KCTD18: variants seen among roughly 807,000 people sequenced by gnomAD.
The protein encoded by KCTD18 is potassium channel tetramerization domain containing 18.
In KCTD18, 22 loss-of-function variants were observed where a neutral mutation model predicts 30.4. That is an observed-to-expected ratio of 0.72 (90% confidence interval 0.52 to 1.03). KCTD18 has a LOEUF of 1.03. KCTD18 is among the 50% of genes least tolerant of loss of function. The probability of loss-of-function intolerance (pLI) is 0.00; values close to 1 mark genes in which losing one functional copy is unlikely to be tolerated. For missense variants in KCTD18, 529 were observed against 547.6 expected (o/e 0.97, Z 0.34); for synonymous variants, 186 against 209.0 (o/e 0.89, Z 0.95).
chr2:200,492,150 A>C (rs1307385710), intron 6 of KCTD18, among the ~76,000 whole-genome samples: 1 of 151,700 alleles, frequency 6.6e-6, no homozygotes, highest in East Asian at 2.0e-4. Flanking sequence ...CTTCCACCAG[A>C]CTCCACACTG....
intron 4 of KCTD18, among the ~76,000 whole-genome samples, chr2:200,498,288 A>G (rs1011345291): frequency 2.6e-5 from 4 of 152,268 alleles, no homozygotes; most frequent in African/African-American, 9.6e-5. Context: ...GCAAGCTTAT[A>G]TGATCCTTCA....
At chr2:200,498,224 A>T (rs2088027587) in intron 4 of KCTD18, among the ~76,000 whole-genome samples, 1 of 152,224 alleles carries the variant, frequency 6.6e-6, no homozygotes, top group Non-Finnish European at 1.5e-5. Flanking sequence ...ACATAGAAGC[A>T]TCCCTATCTG....
intron 2 of KCTD18, among the ~76,000 whole-genome samples, chr2:200,505,549 C>A (rs571952967): frequency 6.6e-6 from 1 of 152,278 alleles, no homozygotes; most frequent in East Asian, 1.9e-4. Flanking sequence ...CCCACAATGG[C>A]CACTGCAAAA....
At position 200,498,909 on chromosome 2, in the gene KCTD18, C is replaced by G; in HGVS notation, c.548G>C (p.Ser183Thr). ...IEKQLGGRIH[S>T]KGIFKREAGN... ...GACATACCTTTTAAAAATGCCTTTG[C>G]TGTGAATTCTTCCTCCCAGCTGCTT... The change falls in exon 4 of 7, where the codon AGC becomes ACC. Residue 183 changes from serine (S) to threonine (T), a missense_variant. Transcript: ENST00000359878. 6.2e-7 allele frequency: 1 copy of G among 1,613,758 alleles called. No individual in the cohort carries two copies. Among genetic ancestry groups the G allele is most frequent in the Non-Finnish European group, 8.5e-7 (1 of 1,179,852 alleles).
chr2:200,505,571 C>T (rs114416024), intron 2 of KCTD18, among the ~76,000 whole-genome samples: 4 of 152,208 alleles, frequency 2.6e-5, no homozygotes, highest in Non-Finnish European at 5.9e-5. Context: ...CTAAGGGCAC[C>T]CCACACTGCT....
At chr2:200,498,801 T>C (rs1481506169) in intron 4 of KCTD18, 90 bp downstream of exon 4, 1 of 1,171,604 alleles carries the variant, frequency 8.5e-7, no homozygotes, top group African/African-American at 1.5e-5. Context: ...TTAATGGTCT[T>C]TTCTAGTCAA....
Position 200,499,102 on chromosome 2 carries a change from T to C in KCTD18, c.373-18A>G, listed in dbSNP as rs540220005. 71 of 1,546,890 alleles carry C rather than the reference T, an allele frequency of 4.6e-5. 1 individual carries two copies. The South Asian group carries it at 7.8e-4, about 17-fold the overall frequency. ...GTTAAAGCCTAAAGCAAAAAGTATA[T>C]ATAAAATTTGAATTTAATTCTAGAG... On this transcript the variant is annotated intron_variant, in intron 3 of 6. Transcript: ENST00000359878.
intron 4 of KCTD18, 76 bp downstream of exon 4, chr2:200,498,815 C>T (rs2088037688): frequency 1.5e-6 from 2 of 1,308,170 alleles, no homozygotes; most frequent in African/African-American, 1.5e-5. Flanking sequence ...TAGTCAAGCA[C>T]ATTTCATTCA....
chr2:200,498,287 T>C (rs769570240), intron 4 of KCTD18, among the ~76,000 whole-genome samples: 24 of 152,258 alleles, frequency 1.6e-4, no homozygotes, highest in Non-Finnish European at 2.6e-4. Context: ...GGCAAGCTTA[T>C]ATGATCCTTC....
At chr2:200,494,690 GATTT>G (rs971658298) in intron 5 of KCTD18, among the ~76,000 whole-genome samples, 60 of 152,210 alleles carry the variant, frequency 3.9e-4, no homozygotes, top group African/African-American at 1.4e-3. Flanking sequence ...CTAAAAGTCA[GATTT>G]ATTAAGATAT....
At position 200,509,902 on chromosome 2, in the gene KCTD18, C is replaced by T. The variant is rs1327663278; in HGVS notation, c.-350G>A. On this transcript the variant is annotated 5_prime_UTR_variant, in exon 1 of 7. Coordinates refer to ENST00000359878, the MANE Select transcript of KCTD18 (RefSeq NM_152387.4). ...GGGGCGCGCGCGTTACCAGCGCGGC[C>T]CGTGCCCTTCCTCAGGGCGCCCCGC... is the stretch of plus-strand genomic sequence containing the variant. 1 of 152,020 alleles carries T rather than the reference C, an allele frequency of 6.6e-6. No individual in the cohort carries two copies. The highest frequency in any genetic ancestry group is 1.5e-5 in the Non-Finnish European group (1 of 67,994). The allele number at this position is 152,020 out of a possible 1,614,324, so 9.4% of individuals were successfully genotyped here.
At chr2:200,490,983 A>C (rs1209613447) in intron 6 of KCTD18, among the ~76,000 whole-genome samples, 1 of 152,128 alleles carries the variant, frequency 6.6e-6, no homozygotes, top group Non-Finnish European at 1.5e-5. Context: ...GTTTAAAGAG[A>C]TTTAGTAAAG....
chr2:200,506,799 G>A (rs2030222665), intron 2 of KCTD18, 58 bp downstream of exon 2: 3 of 1,507,760 alleles, frequency 2.0e-6, no homozygotes, highest in East Asian at 4.5e-5. Flanking sequence ...AAATCAAAGG[G>A]AACTTAAACT....
rs2088013643 is a variant in KCTD18 at position 200,497,471 on chromosome 2, A to G, written c.661+282T>C. ...ATGCTTAATTTGAAGTATTTTTCCA[A>G]TGCACAGTAGGTACTAAATGAACTC... is the stretch of plus-strand genomic sequence containing the variant. On this transcript the variant is annotated intron_variant, in intron 5 of 6. Coordinates refer to ENST00000359878, the MANE Select transcript of KCTD18 (RefSeq NM_152387.4). The G allele has an allele frequency of 3.2e-5, 8 of 248,506 alleles. No homozygotes were observed. In the South Asian group the frequency reaches 8.4e-4, roughly 26 times the overall value. The allele number at this position is 248,506 out of a possible 1,614,324, so 15.4% of individuals were successfully genotyped here. A position where few individuals can be genotyped will look rare whatever the true frequency, so the allele number is the denominator to read the frequency against.
In KCTD18 at chr2:200,490,229, C is replaced by T; in HGVS notation, c.1152G>A (p.Leu384=). The change falls in exon 7 of 7, where the codon CTG becomes CTA. Residue 384 remains leucine, a synonymous_variant. Coordinates refer to ENST00000359878, the MANE Select transcript of KCTD18 (RefSeq NM_152387.4). ...QRVIKLKRTP[L]CATAPCLPSP... ...AGGGCAGGCAAGGCGCGGTGGCGCA[C>T]AGCGGAGTCCTCTTCAGCTTTATCA... 1 of 1,614,244 alleles carries T rather than the reference C, an allele frequency of 6.2e-7. No individual in the cohort carries two copies. The highest frequency in any genetic ancestry group is 1.1e-5 in the South Asian group (1 of 91,090).
At chr2:200,499,694 A>G (rs1297514975) in intron 3 of KCTD18, among the ~76,000 whole-genome samples, 1 of 151,844 alleles carries the variant, frequency 6.6e-6, no homozygotes, top group Non-Finnish European at 1.5e-5. Flanking sequence ...GAATTCTACC[A>G]GAGGTACAAG....
At chr2:200,498,832 C>G in intron 4 of KCTD18, 59 bp downstream of exon 4, 1 of 1,449,020 alleles carries the variant, frequency 6.9e-7, no homozygotes, top group Admixed American at 1.8e-5. Context: ...TTCAGAAACA[C>G]CTCTTAAAAG....
intron 3 of KCTD18, among the ~76,000 whole-genome samples, chr2:200,500,142 G>C (rs1025251605): frequency 6.6e-6 from 1 of 151,372 alleles, no homozygotes; most frequent in Non-Finnish European, 1.5e-5. Flanking sequence ...AAAATAATAA[G>C]AGCTATCTAT....
Position 200,490,158 on chromosome 2 carries a change from C to G in KCTD18, c.1223G>C (p.Gly408Ala). ...CACTCCCAAGGCACGGGCAGCTTCG[C>G]CGGGAAGCGGCTTGAGGGAGTTGGC... ...RQANSLKPLP[G>A]EAARALGVRT... Residue 408 changes from glycine (G) to alanine (A), a missense_variant, in exon 7 of 7, where the codon GGC (glycine) becomes GCC (alanine). Transcript: ENST00000359878. 1.2e-5 allele frequency: 19 copies of G among 1,608,910 alleles called. No individual in the cohort carries two copies. Among genetic ancestry groups the G allele is most frequent in the Non-Finnish European group, 1.6e-5 (19 of 1,175,824 alleles).
Sources: allele counts gnomAD v4.1 joint callset (sites outside exome capture counted in the v4.1 genomes callset), GRCh38; gene constraint gnomAD v4.1.1; transcripts MANE v1.5; gene names NCBI Gene and HGNC (gene_info 2026-07-23, HGNC 2026-07-21).